RSAD2: variants seen among roughly 807,000 people sequenced by gnomAD.
RSAD2 encodes the protein radical S-adenosyl methionine domain containing 2, also known as S-adenosylmethionine-dependent nucleotide dehydratase RSAD2.
RSAD2 carries 38 observed loss-of-function variants against 37.7 expected under a neutral mutation model. The observed-to-expected ratio is 1.01, with a 90% CI of 0.78 to 1.32. RSAD2 has a LOEUF of 1.32. Ranked by LOEUF, RSAD2 falls within the 40% of genes most tolerant of loss-of-function variation. The probability of loss-of-function intolerance (pLI) is 0.00; values close to 1 mark genes in which losing one functional copy is unlikely to be tolerated. For synonymous variants in RSAD2, 163 were observed against 157.4 expected, an observed-to-expected ratio of 1.04 and a Z score of -0.27; for missense variants, 428 against 437.5, an observed-to-expected ratio of 0.98 and a Z score of 0.19.
intron 1 of RSAD2, chr2:6,879,104 A>G (rs1040949068): frequency 3.5e-5 from 16 of 455,838 alleles, no homozygotes; most frequent in African/African-American, 3.0e-4. Context: ...CTTTATATAA[A>G]TGAAATCATA....
rs1329085250 is a variant in RSAD2, at chr2:6,897,340, T to G, written c.*1398T>G. On this transcript the variant is annotated 3_prime_UTR_variant, in exon 6 of 6. Transcript: ENST00000382040. ...TTTTAATTTAGCTGCAATTTCAGTG[T>G]TCCTCACTAGGTGGCATTTAAATGT... 1 of 152,194 alleles carries G rather than the reference T, an allele frequency of 6.6e-6. No individual in the cohort carries two copies. Among genetic ancestry groups the G allele is most frequent in the Non-Finnish European group, 1.5e-5 (1 of 68,034 alleles). The allele number at this position is 152,194 out of a possible 1,614,324, so 9.4% of individuals were successfully genotyped here.
chr2:6,865,979 T>G, exon 1 of RSAD2: 2 of 916,114 alleles, frequency 2.2e-6, no homozygotes, highest in Non-Finnish European at 2.9e-6. Context: ...TCCGCGGGCC[T>G]GCGCGGTCCC....
intron 1 of RSAD2, among the ~76,000 whole-genome samples, chr2:6,882,827 A>G (rs992111382): frequency 2.0e-5 from 3 of 152,248 alleles, no homozygotes. Flanking sequence ...AGTGAAAATG[A>G]CTTCACCTAG....
intron 2 of RSAD2, among the ~76,000 whole-genome samples, chr2:6,884,313 T>A (rs1265644172): frequency 6.6e-6 from 1 of 152,080 alleles, no homozygotes. Flanking sequence ...GGAGGGTCCA[T>A]CTGATAAGGG....
chr2:6,872,668 T>A (rs2595176), intron 1 of RSAD2, among the ~76,000 whole-genome samples: 1 of 152,158 alleles, frequency 6.6e-6, no homozygotes, highest in Non-Finnish European at 1.5e-5. Flanking sequence ...TCTAAGCATG[T>A]CATCAAAGGT....
At chr2:6,887,628 C>G (rs2103246074) in intron 3 of RSAD2, among the ~76,000 whole-genome samples, 1 of 152,336 alleles carries the variant, frequency 6.6e-6, no homozygotes, top group South Asian at 2.1e-4. Flanking sequence ...TTCCCAGATT[C>G]ATGCTTTAGG....
At chr2:6,875,309 G>T (rs938037481), upstream of RSAD2, among the ~76,000 whole-genome samples, 1 of 152,100 alleles carries the variant, frequency 6.6e-6, no homozygotes, top group Admixed American at 6.6e-5. Flanking sequence ...CTTCCCTCAA[G>T]CAAAACTATA....
chr2:6,871,920 G>A (rs1046903567), intron 1 of RSAD2, among the ~76,000 whole-genome samples: 1 of 152,088 alleles, frequency 6.6e-6, no homozygotes, highest in Non-Finnish European at 1.5e-5. Context: ...TAACATTAAG[G>A]TTTTTAATTT....
intron 4 of RSAD2, among the ~76,000 whole-genome samples, chr2:6,892,383 A>G (rs1384265894): frequency 6.6e-6 from 1 of 152,222 alleles, no homozygotes; most frequent in African/African-American, 2.4e-5. Context: ...TATTTTATTT[A>G]ATTTTTTAAA....
At chr2:6,883,336 G>C (rs1245802590) in intron 1 of RSAD2, 35 bp from the exon 2 acceptor site, 1 of 1,596,508 alleles carries the variant, frequency 6.3e-7, no homozygotes, top group African/African-American at 1.3e-5. Context: ...ATGTATATTT[G>C]TGAAGTGGTA....
chr2:6,873,431 TG>T (rs1379570588), upstream of RSAD2, among the ~76,000 whole-genome samples: 2 of 152,216 alleles, frequency 1.3e-5, no homozygotes, highest in African/African-American at 4.8e-5. Flanking sequence ...GTTATGCAAA[TG>T]GGCTTTCCAT....
intron 3 of RSAD2, among the ~76,000 whole-genome samples, chr2:6,888,349 T>G (rs1478477201): frequency 6.6e-6 from 1 of 152,174 alleles, no homozygotes; most frequent in African/African-American, 2.4e-5. Flanking sequence ...AGGATATGAA[T>G]TATCAGCCAC....
At chr2:6,882,886 A>G (rs752094501) in intron 1 of RSAD2, among the ~76,000 whole-genome samples, 2 of 152,274 alleles carry the variant, frequency 1.3e-5, no homozygotes, top group African/African-American at 2.4e-5. Context: ...TTTGAGGCAT[A>G]CAAGTCATCA....
chr2:6,878,794 G>T, intron 1 of RSAD2: 1 of 1,188,184 alleles, frequency 8.4e-7, no homozygotes, highest in African/African-American at 1.6e-5. Flanking sequence ...TCTGCCTTCC[G>T]TCCTTGTCTT....
At chr2:6,870,676 C>T (rs1441790372) in intron 1 of RSAD2, among the ~76,000 whole-genome samples, 1 of 152,200 alleles carries the variant, frequency 6.6e-6, no homozygotes, top group African/African-American at 2.4e-5. Context: ...AGGAGGAAGC[C>T]TTTCCAGCCA....
rs549173354 is a variant in RSAD2, at chr2:6,893,498, C to T, written c.889-173C>T. Among the ~76,000 whole-genome samples the T allele has an allele frequency of 3.9e-5, 6 of 152,234 alleles. No individual in the cohort carries two copies. The South Asian group carries it at 8.3e-4, about 21-fold the overall frequency. ...AGGCCTGCTGTGATCTGTTGAAAAC[C>T]GAATGCACACAAACAGAGCCTTGTC... On this transcript the variant is annotated intron_variant, in intron 4 of 5. Transcript: ENST00000382040.
At chr2:6,873,447 A>G (rs1458280797), upstream of RSAD2, among the ~76,000 whole-genome samples, 2 of 152,206 alleles carry the variant, frequency 1.3e-5, no homozygotes, top group Non-Finnish European at 2.9e-5. Context: ...TTCCATAAGG[A>G]GAGGCAATCA....
intron 2 of RSAD2, among the ~76,000 whole-genome samples, chr2:6,884,092 C>G (rs900786354): frequency 1.3e-5 from 2 of 152,210 alleles, no homozygotes; most frequent in Admixed American, 1.3e-4. Context: ...AACATTAGCT[C>G]TTCTTATATG....
At chr2:6,868,202 A>G (rs953247849) in intron 1 of RSAD2, among the ~76,000 whole-genome samples, 1 of 152,232 alleles carries the variant, frequency 6.6e-6, no homozygotes, top group Non-Finnish European at 1.5e-5. Context: ...CTCCTAAGAA[A>G]AAAAGAAACA....
Sources: gnomAD v4.1 joint callset for allele counts (sites outside exome capture counted in the v4.1 genomes callset) on GRCh38, gnomAD v4.1.1 for gene constraint, MANE v1.5 for transcripts, NCBI Gene and HGNC (gene_info 2026-07-23, HGNC 2026-07-21) for gene names.